Variants in TMEM247 observed in about 807,000 individuals in gnomAD.
TMEM247 encodes the protein transmembrane protein 247, also known as transmembrane protein ENSP00000343375.
In TMEM247, 23 loss-of-function variants were observed where a neutral mutation model predicts 20.7. The observed-to-expected ratio is 1.11, with a 90% CI of 0.80 to 1.57. TMEM247 has a LOEUF of 1.57. TMEM247 is among the 40% of genes most tolerant of loss of function. TMEM247 has a pLI of 0.00. For synonymous variants in TMEM247, 106 were observed against 111.9 expected (o/e 0.95, Z 0.33); for missense variants, 354 against 283.8 (o/e 1.25, Z -1.78).
exon 1 of TMEM247, chr2:46,479,690 A>G: frequency 1.9e-6 from 3 of 1,551,350 alleles, no homozygotes; most frequent in Non-Finnish European, 2.6e-6. Flanking sequence ...AAGGGAAGCC[A>G]AGGGCTTATC....
exon 2 of TMEM247, chr2:46,480,555 G>A (rs762423075): frequency 1.3e-6 from 2 of 1,551,722 alleles, no homozygotes; most frequent in African/African-American, 1.4e-5. Context: ...ACCCAAACCC[G>A]CAGAGCTGCC....
rs961103542 is a variant in TMEM247 at position 46,479,684 on chromosome 2, G to T, written c.99G>T (p.Gly33=). Reference sequence around the variant, plus strand: ...TGCCTGGTGACTCCAAGTCTGAAGGGAAGCCAAGGGCTTATCTGGTAAGGG... The same window carrying T: ...TGCCTGGTGACTCCAAGTCTGAAGGTAAGCCAAGGGCTTATCTGGTAAGGG... Residue 33 remains glycine (G), a synonymous_variant, in exon 1 of 3, where the codon GGG becomes GGT. Transcript: ENST00000434431. The T allele has an allele frequency of 1.9e-6, 3 of 1,551,442 alleles. No individual in the cohort carries two copies. The African/African-American group carries it at 4.1e-5, about 21-fold the overall frequency.
Position 46,480,533 on chromosome 2 carries a change from GGCTGGCGACGGACCCAAACCCGCAGA to G in TMEM247, c.251_276del (p.Gly84AlafsTer7). 1 of 1,551,760 alleles carries G rather than the reference GGCTGGCGACGGACCCAAACCCGCAGA, an allele frequency of 6.4e-7. No individual in the cohort carries two copies. The highest frequency in any genetic ancestry group is 8.7e-7 in the Non-Finnish European group (1 of 1,146,994). On this transcript the variant is annotated frameshift_variant, in exon 2 of 3. Transcript: ENST00000434431. LOFTEE classifies it high-confidence loss of function. ...AGTCCTGCCGTGCTACCAAAGGCCA[GGCTGGCGACGGACCCAAACCCGCAGA>G]GCTGCCCCCGACCCCTGGGACTGAG...
chr2:46,480,260 ACT>A, intron 1 of TMEM247, 143 bp from the exon 2 acceptor site: 1 of 956,350 alleles, frequency 1.0e-6, no homozygotes, highest in African/African-American at 1.7e-5. Flanking sequence ...CGGTAAGAGC[ACT>A]TCTAATAAGA....
chr2:46,481,537 T>A (rs1047205567), intron 2 of TMEM247, among the ~76,000 whole-genome samples: 1 of 152,234 alleles, frequency 6.6e-6, no homozygotes, highest in African/African-American at 2.4e-5. Flanking sequence ...GGCAAATTAC[T>A]AATTTCCTTT....
chr2:46,479,761 C>T lies in TMEM247; in HGVS notation c.117+59C>T, dbSNP rs892025540. Reference sequence around the variant, plus strand: ...TATTCCGTCAGGGGGAGCAAGAATACTGTAGGAACACATGCTTTGAGCTTC... The same window carrying T: ...TATTCCGTCAGGGGGAGCAAGAATATTGTAGGAACACATGCTTTGAGCTTC... On this transcript the variant is annotated intron_variant, in intron 1 of 2. Coordinates refer to ENST00000434431, the Ensembl canonical transcript of TMEM247. The T allele has an allele frequency of 2.3e-5, 28 of 1,230,708 alleles. No individual in the cohort carries two copies. In the African/African-American group the frequency reaches 3.7e-4, roughly 16 times the overall value. 76.2% of individuals were successfully genotyped at this position (1,230,708 alleles called of 1,614,324 possible).
rs149824730 is a variant in TMEM247 at position 46,483,971 on chromosome 2, A to G, written c.478-273A>G. 1.4e-3 allele frequency among the ~76,000 whole-genome samples: 214 copies of G among 152,012 alleles called. 1 individual carries two copies. Among genetic ancestry groups the G allele is most frequent in the African/African-American group, 4.7e-3 (193 of 41,444 alleles). ...TTGGCTAATTTTTAAATTTTTTTTT[A>G]TAGAGATAGGGGTCTCACTACATTG... On this transcript the variant is annotated intron_variant, in intron 2 of 2. Transcript: ENST00000434431.
intron 2 of TMEM247, among the ~76,000 whole-genome samples, chr2:46,482,561 AATT>A (rs1686910459): frequency 6.6e-6 from 1 of 152,154 alleles, no homozygotes; most frequent in Non-Finnish European, 1.5e-5. Context: ...TCTGCTCAAG[AATT>A]AGAACATTGA....
intron 2 of TMEM247, among the ~76,000 whole-genome samples, chr2:46,481,481 C>T (rs985757765): frequency 7.2e-5 from 11 of 152,168 alleles, no homozygotes; most frequent in Admixed American, 2.0e-4. Context: ...ACTTTAAAGT[C>T]AGAAAGTCCT....
chr2:46,481,930 C>T (rs1215730370), intron 2 of TMEM247, among the ~76,000 whole-genome samples: 2 of 152,130 alleles, frequency 1.3e-5, no homozygotes, highest in Non-Finnish European at 1.5e-5. Context: ...TAATCATCAC[C>T]CTTGAGTTAC....
intron 2 of TMEM247, 139 bp downstream of exon 2, chr2:46,480,903 A>G: frequency 8.1e-7 from 1 of 1,235,804 alleles, no homozygotes. Context: ...AAAGGGGCTG[A>G]GCATCCACTC....
At chr2:46,481,058 C>T (rs1045470444) in intron 2 of TMEM247, among the ~76,000 whole-genome samples, 17 of 152,238 alleles carry the variant, frequency 1.1e-4, no homozygotes, top group African/African-American at 3.9e-4. Context: ...GAGCTGAGGC[C>T]GGGAGGGTCC....
chr2:46,480,980 G>A (rs62134690), intron 2 of TMEM247, among the ~76,000 whole-genome samples: 1 of 152,102 alleles, frequency 6.6e-6, no homozygotes, highest in African/African-American at 2.4e-5. Flanking sequence ...CTTAAAGCTC[G>A]CTACCCTACC....
exon 2 of TMEM247, chr2:46,480,502 C>G: frequency 3.2e-6 from 5 of 1,551,722 alleles, no homozygotes; most frequent in Non-Finnish European, 4.4e-6. Flanking sequence ...AAATCGCTGT[C>G]CCCCAAGTCC....
exon 2 of TMEM247, chr2:46,480,476 C>G (rs1262923933): frequency 9.7e-6 from 15 of 1,551,578 alleles, no homozygotes; most frequent in Non-Finnish European, 1.3e-5. Flanking sequence ...AGGACGGAGG[C>G]TGCCAAGGGC....
chr2:46,484,143 A>T, intron 2 of TMEM247, 101 bp from the exon 3 acceptor site: 1 of 1,034,346 alleles, frequency 9.7e-7, no homozygotes, highest in Non-Finnish European at 1.4e-6. Flanking sequence ...GAAGATGATG[A>T]CTTGAGGTCA....
chr2:46,482,157 A>T (rs530224033), intron 2 of TMEM247, among the ~76,000 whole-genome samples: 1 of 152,284 alleles, frequency 6.6e-6, no homozygotes, highest in African/African-American at 2.4e-5. Context: ...TTTTCTGTTC[A>T]CAAAATACCT....
At chr2:46,480,451 A>G in exon 2 of TMEM247, 1 of 1,551,532 alleles carries the variant, frequency 6.4e-7, no homozygotes, top group Non-Finnish European at 8.7e-7. Flanking sequence ...TACTTGGAAG[A>G]GATGGAAGCT....
chr2:46,479,948 G>C (rs974906366), intron 1 of TMEM247, among the ~76,000 whole-genome samples: 1 of 152,112 alleles, frequency 6.6e-6, no homozygotes, highest in African/African-American at 2.4e-5. Flanking sequence ...TCCTTGCTGG[G>C]TGGATAGGAC....
Sources: allele counts gnomAD v4.1 joint callset (sites outside exome capture counted in the v4.1 genomes callset), GRCh38; gene constraint gnomAD v4.1.1; transcripts MANE v1.5; gene names NCBI Gene and HGNC (gene_info 2026-07-23, HGNC 2026-07-21).